TAFA5: variants seen among roughly 807,000 people sequenced by gnomAD.
The protein encoded by TAFA5 is chemokine-like protein TAFA-5.
Under a neutral mutation model 15.3 loss-of-function variants are expected in TAFA5, and 6 were observed. The observed-to-expected ratio is 0.39, with a 90% CI of 0.21 to 0.77. The LOEUF (loss-of-function observed/expected upper bound fraction) is 0.77. Ranked by LOEUF, TAFA5 falls within the 30% of genes least tolerant of loss-of-function variation. TAFA5 has a pLI of 0.41. For missense variants in TAFA5, 161 were observed against 193.1 expected, an observed-to-expected ratio of 0.83 and a Z score of 0.98; for synonymous variants, 103 against 80.7, an observed-to-expected ratio of 1.28 and a Z score of -1.48.
chr22:48,653,116 G>T (rs888416530), intron 2 of TAFA5, among the ~76,000 whole-genome samples: 1 of 152,226 alleles, frequency 6.6e-6, no homozygotes, highest in African/African-American at 2.4e-5. Context: ...CGGCCTTTTT[G>T]TTATGGAACC....
chr22:48,662,383 C>T (rs1927472687), intron 2 of TAFA5, among the ~76,000 whole-genome samples: 1 of 152,166 alleles, frequency 6.6e-6, no homozygotes, highest in Admixed American at 6.5e-5. Context: ...AATCTCTCTG[C>T]TGCTCTCTGG....
intron 1 of TAFA5, chr22:48,544,981 G>T (rs1404052134): frequency 4.4e-5 from 19 of 429,690 alleles, no homozygotes; most frequent in South Asian, 1.9e-4. Context: ...GGCAGCAGCC[G>T]CCTCTCCTTT....
rs1433962448 is a variant in TAFA5, at chr22:48,729,887, G to A, written c.391-19952G>A. On this transcript the variant is annotated intron_variant, in intron 3 of 3. Coordinates refer to ENST00000402357, the MANE Select transcript of TAFA5 (RefSeq NM_001082967.3). ...AAAGACTTTTGAGTCTGTGATGTGG[G>A]CCAGGCACCGTGTCAGGCACGCAAT... Among the ~76,000 whole-genome samples the A allele has an allele frequency of 2.9e-4, 44 of 151,804 alleles. 1 individual carries two copies. The highest frequency in any genetic ancestry group is 1.5e-5 in the Non-Finnish European group (1 of 67,970).
intron 3 of TAFA5, among the ~76,000 whole-genome samples, chr22:48,746,014 A>G (rs1048701430): frequency 2.0e-5 from 3 of 152,226 alleles, no homozygotes; most frequent in East Asian, 1.9e-4. Context: ...CACACACAGG[A>G]TGCAGCCTCC....
intron 1 of TAFA5, among the ~76,000 whole-genome samples, chr22:48,498,953 G>C (rs1920938941): frequency 2.0e-5 from 3 of 152,230 alleles, no homozygotes; most frequent in Admixed American, 6.5e-5. Context: ...GGACGGGCCA[G>C]CGTGGGGGTC....
At chr22:48,744,737 A>AG (rs1280089215) in intron 3 of TAFA5, among the ~76,000 whole-genome samples, 2 of 152,112 alleles carry the variant, frequency 1.3e-5, no homozygotes, top group African/African-American at 4.8e-5. Flanking sequence ...CCTGGGAGGC[A>AG]GGGGGCGGGT....
At chr22:48,727,785 A>G (rs1236807099) in intron 3 of TAFA5, among the ~76,000 whole-genome samples, 1 of 152,220 alleles carries the variant, frequency 6.6e-6, no homozygotes, top group Admixed American at 6.5e-5. Flanking sequence ...GGAAATTGAG[A>G]GGTAAAACAT....
At chr22:48,654,399 A>G (rs1927164504) in intron 2 of TAFA5, among the ~76,000 whole-genome samples, 1 of 152,132 alleles carries the variant, frequency 6.6e-6, no homozygotes, top group Admixed American at 6.5e-5. Flanking sequence ...CAGGGTTTGG[A>G]AGGAGCACGC....
intron 1 of TAFA5, among the ~76,000 whole-genome samples, chr22:48,600,543 T>G (rs1601606441): frequency 7.3e-6 from 1 of 137,442 alleles, no homozygotes; most frequent in East Asian, 2.2e-4. Context: ...CCTAGGACTT[T>G]GCGTGTGTCT....
At chr22:48,678,268 G>A (rs186161324) in intron 2 of TAFA5, among the ~76,000 whole-genome samples, 32 of 152,306 alleles carry the variant, frequency 2.1e-4, no homozygotes, top group African/African-American at 7.0e-4. Context: ...CTCTCCCGCC[G>A]GCTCTGTGCA....
intron 1 of TAFA5, among the ~76,000 whole-genome samples, chr22:48,626,973 T>C (rs1392491505): frequency 6.6e-6 from 1 of 152,160 alleles, no homozygotes; most frequent in East Asian, 1.9e-4. Flanking sequence ...TTGCCGGTCT[T>C]GTGGGTTTGT....
In TAFA5 at chr22:48,606,666, T is replaced by C. The variant is rs574653834; in HGVS notation, c.113-39931T>C. On this transcript the variant is annotated intron_variant, in intron 1 of 3. Transcript: ENST00000402357. ...TACTCAAAAGCGGTTTTGCTGCTGCTCTCTTTGCTTTGAAACTGGCGTCTG... is the reference window on the plus strand; with the variant it reads ...TACTCAAAAGCGGTTTTGCTGCTGCCCTCTTTGCTTTGAAACTGGCGTCTG... 4.9e-4 allele frequency among the ~76,000 whole-genome samples: 75 copies of C among 152,340 alleles called. 1 individual carries two copies. Among genetic ancestry groups the C allele is most frequent in the African/African-American group, 1.8e-3 (74 of 41,588 alleles).
intron 1 of TAFA5, among the ~76,000 whole-genome samples, chr22:48,621,467 G>A (rs1393566049): frequency 6.6e-6 from 1 of 152,034 alleles, no homozygotes; most frequent in Non-Finnish European, 1.5e-5. Flanking sequence ...CCATCATGTA[G>A]GTGCTCATGG....
At chr22:48,696,031 C>A (rs1219263768) in intron 2 of TAFA5, among the ~76,000 whole-genome samples, 1 of 152,144 alleles carries the variant, frequency 6.6e-6, no homozygotes, top group Non-Finnish European at 1.5e-5. Context: ...TCCACTCAGA[C>A]CCTCAACCCC....
intron 1 of TAFA5, among the ~76,000 whole-genome samples, chr22:48,590,494 C>T (rs138186618): frequency 6.6e-6 from 1 of 152,188 alleles, no homozygotes; most frequent in East Asian, 1.9e-4. Context: ...ATGGTGCAAC[C>T]CTGGCGGATT....
chr22:48,522,758 G>A (rs1921648584), intron 1 of TAFA5, among the ~76,000 whole-genome samples: 1 of 152,224 alleles, frequency 6.6e-6, no homozygotes, highest in African/African-American at 2.4e-5. Flanking sequence ...CCTGTGGGTG[G>A]AAGTTTAAGG....
chr22:48,595,049 A>T (rs1924714174), intron 1 of TAFA5, among the ~76,000 whole-genome samples: 1 of 152,128 alleles, frequency 6.6e-6, no homozygotes, highest in Non-Finnish European at 1.5e-5. Context: ...TCTAGAAAGG[A>T]GTGCTGCCTT....
intron 1 of TAFA5, among the ~76,000 whole-genome samples, chr22:48,581,982 G>A (rs950591827): frequency 6.6e-6 from 1 of 152,094 alleles, no homozygotes; most frequent in African/African-American, 2.4e-5. Flanking sequence ...GGTCTGCGTG[G>A]AACATGGGAC....
intron 2 of TAFA5, among the ~76,000 whole-genome samples, chr22:48,676,548 C>T (rs1329972522): frequency 6.6e-6 from 1 of 152,222 alleles, no homozygotes; most frequent in East Asian, 1.9e-4. Flanking sequence ...TACACGGCTC[C>T]CACTCTCCAA....
Sources: gnomAD v4.1 joint callset for allele counts (sites outside exome capture counted in the v4.1 genomes callset) on GRCh38, gnomAD v4.1.1 for gene constraint, MANE v1.5 for transcripts, NCBI Gene and HGNC (gene_info 2026-07-23, HGNC 2026-07-21) for gene names.